Variants in PXYLP1 observed in about 807,000 individuals in gnomAD.
The protein encoded by PXYLP1 is acid phosphatase-like 2.
In PXYLP1, 17 loss-of-function variants were observed where a neutral mutation model predicts 37.9. That is an observed-to-expected ratio of 0.45 (90% CI 0.31 to 0.67). The LOEUF is 0.67. Ranked by LOEUF, PXYLP1 falls within the 30% of genes least tolerant of loss-of-function variation. PXYLP1 has a pLI of 0.07. For missense variants in PXYLP1, 511 were observed against 612.0 expected (o/e 0.84, Z 1.74); for synonymous variants, 221 against 232.2 (o/e 0.95, Z 0.44).
At chr3:141,282,729 G>A (rs979606279) in intron 4 of PXYLP1, among the ~76,000 whole-genome samples, 1 of 152,162 alleles carries the variant, frequency 6.6e-6, no homozygotes, top group African/African-American at 2.4e-5. Flanking sequence ...AGAGTGAGTG[G>A]GTCTTAGAGA....
At chr3:141,276,039 A>C (rs1049612871) in intron 2 of PXYLP1, among the ~76,000 whole-genome samples, 3 of 152,236 alleles carry the variant, frequency 2.0e-5, no homozygotes, top group African/African-American at 7.2e-5. Context: ...TTGTGTTACA[A>C]CTGCTTACAA....
chr3:141,267,181 C>T (rs1290194129), intron 2 of PXYLP1, among the ~76,000 whole-genome samples: 1 of 152,142 alleles, frequency 6.6e-6, no homozygotes, highest in African/African-American at 2.4e-5. Flanking sequence ...GGGAGGTGGT[C>T]GTCCTCTGTT....
intron 1 of PXYLP1, among the ~76,000 whole-genome samples, chr3:141,256,244 C>T (rs1033974944): frequency 1.3e-5 from 2 of 152,188 alleles, no homozygotes; most frequent in Non-Finnish European, 2.9e-5. Context: ...ATTTGCTCCC[C>T]ACCGCCACCT....
intron 4 of PXYLP1, among the ~76,000 whole-genome samples, chr3:141,282,483 A>AACACACACACACAC (rs3069374): frequency 2.6e-4 from 38 of 147,642 alleles, no homozygotes; most frequent in African/African-American, 8.0e-4. Flanking sequence ...AACCCAGACA[A>AACACACACACACAC]ACACACACAC....
At chr3:141,262,687 T>A in intron 2 of PXYLP1, 1 of 1,534,842 alleles carries the variant, frequency 6.5e-7, no homozygotes, top group South Asian at 1.2e-5. Context: ...ATCGGAAAGA[T>A]ATTAAGATAT....
intron 1 of PXYLP1, among the ~76,000 whole-genome samples, chr3:141,237,090 A>C (rs1940676471): frequency 6.6e-6 from 1 of 152,210 alleles, no homozygotes; most frequent in Non-Finnish European, 1.5e-5. Flanking sequence ...GATGGTTAAA[A>C]GGCTTCCTCT....
intron 2 of PXYLP1, 108 bp from the exon 3 acceptor site, chr3:141,278,234 T>C: frequency 4.7e-6 from 6 of 1,276,998 alleles, no homozygotes; most frequent in Non-Finnish European, 6.6e-6. Context: ...ACCTTGATTC[T>C]CAGTGTAAGA....
intron 5 of PXYLP1, among the ~76,000 whole-genome samples, chr3:141,290,018 C>A (rs769425309): frequency 7.2e-5 from 11 of 152,196 alleles, no homozygotes; most frequent in Non-Finnish European, 1.5e-4. Context: ...TTTCCTCATT[C>A]TCTTTTAATG....
chr3:141,257,309 C>G (rs1383007427), intron 1 of PXYLP1, among the ~76,000 whole-genome samples: 2 of 152,216 alleles, frequency 1.3e-5, no homozygotes, highest in South Asian at 4.1e-4. Context: ...AGGGTCTTCA[C>G]ATGGTGGTCT....
chr3:141,293,001 G>A lies in PXYLP1; in HGVS notation c.1239G>A (p.Lys413=), dbSNP rs749603439. The A allele has an allele frequency of 3.1e-6, 5 of 1,614,182 alleles. No individual in the cohort carries two copies. The highest frequency in any genetic ancestry group is 2.7e-5 in the African/African-American group (2 of 75,030). The change falls in exon 6 of 6, where the codon AAG becomes AAA. Residue 413 remains lysine (K), a synonymous_variant. Coordinates refer to ENST00000286353, the MANE Select transcript of PXYLP1 (RefSeq NM_001037172.3). ...TTGAGCTTTGGCAAGACAGAGAAAA[G>A]CCCAGTGAACATTCCGTCCGGATTC... ...LIFELWQDRE[K]PSEHSVRILY...
intron 1 of PXYLP1, among the ~76,000 whole-genome samples, chr3:141,233,170 C>A (rs1337946464): frequency 5.9e-5 from 9 of 152,056 alleles, no homozygotes; most frequent in African/African-American, 1.7e-4. Context: ...GGATTTATAG[C>A]AGATGGATCA....
Position 141,292,734 on chromosome 3 carries a change from T to G in PXYLP1, c.972T>G (p.Ile324Met), listed in dbSNP as rs1942255126. Residue 324 changes from isoleucine (I) to methionine (M), a missense_variant, in exon 6 of 6, where the codon ATT (isoleucine) becomes ATG (methionine). Coordinates refer to ENST00000286353, the MANE Select transcript of PXYLP1 (RefSeq NM_001037172.3). This position sits in a 1 kb window ranked among gnomAD's most constrained non-coding sequence, Gnocchi z 4.3. ...GCVDMEHFKVIKTHQIEDERE... is the reference protein window; with the variant it reads ...GCVDMEHFKVMKTHQIEDERE... ...TTGACATGGAGCACTTCAAGGTAATTAAGACCCATCAGATCGAGGATGAAA... is the reference window on the plus strand; with the variant it reads ...TTGACATGGAGCACTTCAAGGTAATGAAGACCCATCAGATCGAGGATGAAA... The G allele has an allele frequency of 6.2e-7, 1 of 1,613,892 alleles. No homozygotes were observed.
At chr3:141,268,466 C>T (rs1941586100) in intron 2 of PXYLP1, among the ~76,000 whole-genome samples, 1 of 152,136 alleles carries the variant, frequency 6.6e-6, no homozygotes, top group South Asian at 2.1e-4. Context: ...TGAGCCAAGC[C>T]ACGCAGTGCA....
At chr3:141,282,847 AC>A (rs1411299081) in intron 4 of PXYLP1, among the ~76,000 whole-genome samples, 2 of 152,002 alleles carry the variant, frequency 1.3e-5, no homozygotes, top group Non-Finnish European at 2.9e-5. Context: ...TGGTGGTGGT[AC>A]CCCTCCCTGG....
intron 2 of PXYLP1, among the ~76,000 whole-genome samples, chr3:141,270,180 A>G (rs1231614260): frequency 6.6e-6 from 1 of 152,262 alleles, no homozygotes; most frequent in Non-Finnish European, 1.5e-5. Context: ...GTTCACCATG[A>G]AGCAACATTA....
chr3:141,270,598 T>A (rs953576335), intron 2 of PXYLP1, among the ~76,000 whole-genome samples: 1 of 152,168 alleles, frequency 6.6e-6, no homozygotes, highest in Non-Finnish European at 1.5e-5. Context: ...CAAGAACCTT[T>A]TGGTTTATTT....
chr3:141,232,540 G>C (rs561444818), intron 1 of PXYLP1: 205 of 152,418 alleles, frequency 1.3e-3, no homozygotes, highest in African/African-American at 4.8e-3. Context: ...GCCTGGCCAC[G>C]GGGCCGCCCG....
At chr3:141,273,028 G>A (rs1258391725) in intron 2 of PXYLP1, 8 of 985,286 alleles carry the variant, frequency 8.1e-6, no homozygotes, top group East Asian at 2.3e-4. Context: ...TCACTGCATC[G>A]TTTCCATACC....
At chr3:141,287,505 G>A (rs761945059) in intron 5 of PXYLP1, 52 bp downstream of exon 5, 2 of 1,589,442 alleles carry the variant, frequency 1.3e-6, no homozygotes, top group Non-Finnish European at 1.7e-6. Context: ...TCTTCTGCTT[G>A]CATACCTTCC....
Sources: gnomAD v4.1 joint callset for allele counts (sites outside exome capture counted in the v4.1 genomes callset) on GRCh38, gnomAD v4.1.1 for gene constraint, Gnocchi (gnomAD v3.1) non-coding constraint, MANE v1.5 for transcripts, NCBI Gene and HGNC (gene_info 2026-07-23, HGNC 2026-07-21) for gene names.